Variants in LRP1B observed in about 807,000 individuals in gnomAD.
The protein encoded by LRP1B is low-density lipoprotein receptor-related protein 1B.
Under a neutral mutation model 556.6 loss-of-function variants are expected in LRP1B, and 217 were observed. That is an observed-to-expected ratio of 0.39 (90% CI 0.35 to 0.44). The LOEUF (loss-of-function observed/expected upper bound fraction) is 0.44, where lower values mean the gene tolerates loss of function less well. Ranked by LOEUF, LRP1B falls within the 20% of genes least tolerant of loss-of-function variation. The probability of loss-of-function intolerance (pLI) is 1.00; values close to 1 mark genes in which losing one functional copy is unlikely to be tolerated. For missense variants in LRP1B, 5,053 were observed against 5,620.8 expected, an observed-to-expected ratio of 0.90 and a Z score of 3.23; for synonymous variants, 2,047 against 1,865.8, an observed-to-expected ratio of 1.10 and a Z score of -2.50.
intron 3 of LRP1B, among the ~76,000 whole-genome samples, chr2:141,414,174 T>C (rs1690981293): frequency 6.8e-6 from 1 of 148,058 alleles, no homozygotes; most frequent in South Asian, 2.1e-4. Flanking sequence ...GAGGCGGAGC[T>C]TGCAGTGAGC....
At chr2:141,690,400 T>A (rs1110907) in intron 2 of LRP1B, among the ~76,000 whole-genome samples, 3,225 of 10,308 alleles carry the variant, frequency 0.31, 240 homozygotes, top group Middle Eastern at 0.5. Flanking sequence ...TCTATAAATA[T>A]ATATATATAT....
chr2:141,346,653 T>G (rs151216700), intron 3 of LRP1B, among the ~76,000 whole-genome samples: 2 of 152,266 alleles, frequency 1.3e-5, no homozygotes, highest in East Asian at 1.9e-4. Context: ...TTGGGGCAAC[T>G]GAGGAGCAAT....
chr2:140,691,413 G>C (rs964675729), intron 41 of LRP1B, among the ~76,000 whole-genome samples: 1 of 150,824 alleles, frequency 6.6e-6, no homozygotes, highest in Non-Finnish European at 1.5e-5. Context: ...GGAGGTTGTG[G>C]TTAGCCAAGC....
At chr2:141,214,230 C>A (rs191632984) in intron 6 of LRP1B, among the ~76,000 whole-genome samples, 23 of 152,194 alleles carry the variant, frequency 1.5e-4, no homozygotes, top group African/African-American at 5.1e-4. Context: ...TTCTTAAACT[C>A]TTTCTAACAG....
intron 52 of LRP1B, 39 bp downstream of exon 52, chr2:140,509,889 C>A: frequency 6.3e-7 from 1 of 1,589,720 alleles, no homozygotes; most frequent in Non-Finnish European, 8.6e-7. Flanking sequence ...GATGCTGCAA[C>A]AGTTTTCTTT....
At chr2:141,958,681 A>T (rs1365032870) in intron 1 of LRP1B, among the ~76,000 whole-genome samples, 1 of 151,378 alleles carries the variant, frequency 6.6e-6, no homozygotes, top group Non-Finnish European at 1.5e-5. Flanking sequence ...GAATAAAGTG[A>T]AAAGCTTTAA....
intron 6 of LRP1B, among the ~76,000 whole-genome samples, chr2:141,202,875 C>T (rs1682099358): frequency 6.6e-6 from 1 of 151,990 alleles, no homozygotes. Context: ...GTTATTGCTC[C>T]CCTAACCCCC....
intron 47 of LRP1B, among the ~76,000 whole-genome samples, chr2:140,527,703 A>G (rs1402156300): frequency 1.3e-5 from 2 of 151,880 alleles, no homozygotes; most frequent in Admixed American, 6.6e-5. Context: ...TTTTATGTCT[A>G]TAAGAGCAAA....
chr2:141,120,491 C>A (rs190755323), intron 7 of LRP1B, among the ~76,000 whole-genome samples: 1 of 151,920 alleles, frequency 6.6e-6, no homozygotes, highest in Admixed American at 6.6e-5. Context: ...AATTTCAATG[C>A]AAAAATTCTA....
chr2:140,913,554 T>C (rs955529526), intron 21 of LRP1B, among the ~76,000 whole-genome samples: 1 of 151,850 alleles, frequency 6.6e-6, no homozygotes, highest in Non-Finnish European at 1.5e-5. Context: ...ATATACCCCA[T>C]GTAAAATCAA....
Position 140,475,988 on chromosome 2 carries a change from A to G in LRP1B, c.9426-651T>C, listed in dbSNP as rs558093375. Reference sequence around the variant, plus strand: ...GTTCTACTGGACAGCAGTGATTTACATTATGTTATTAGAAGTTCTAGATAG... The same window carrying G: ...GTTCTACTGGACAGCAGTGATTTACGTTATGTTATTAGAAGTTCTAGATAG... On this transcript the variant is annotated intron_variant, in intron 59 of 90. Transcript: ENST00000389484. Among the ~76,000 whole-genome samples the G allele has an allele frequency of 3.7e-3, 562 of 152,090 alleles. 5 individuals are homozygous for G. Among genetic ancestry groups the G allele is most frequent in the African/African-American group, 0.013 (522 of 41,532 alleles).
chr2:140,559,081 T>A (rs1680838483), intron 43 of LRP1B, among the ~76,000 whole-genome samples: 1 of 152,052 alleles, frequency 6.6e-6, no homozygotes, highest in African/African-American at 2.4e-5. Flanking sequence ...CTTGCAAAAA[T>A]ATCTAATTGG....
intron 2 of LRP1B, among the ~76,000 whole-genome samples, chr2:141,505,630 A>G (rs1232173260): frequency 6.6e-6 from 1 of 152,044 alleles, no homozygotes; most frequent in Non-Finnish European, 1.5e-5. Context: ...ACTAACTAAA[A>G]TTTTAATTGT....
At chr2:141,448,431 T>A (rs1681280220) in intron 3 of LRP1B, among the ~76,000 whole-genome samples, 1 of 152,138 alleles carries the variant, frequency 6.6e-6, no homozygotes, top group Non-Finnish European at 1.5e-5. Flanking sequence ...AACGATTCTG[T>A]CTTGCTGGCA....
At chr2:141,089,122 C>T (rs1304233062) in intron 7 of LRP1B, among the ~76,000 whole-genome samples, 2 of 152,192 alleles carry the variant, frequency 1.3e-5, no homozygotes, top group Non-Finnish European at 2.9e-5. Flanking sequence ...TGTTACGCAG[C>T]CATGTGTAGC....
chr2:140,820,109 C>T (rs565059262), intron 31 of LRP1B, among the ~76,000 whole-genome samples: 1 of 152,232 alleles, frequency 6.6e-6, no homozygotes, highest in South Asian at 2.1e-4. Flanking sequence ...AAGAGATTCT[C>T]TTGCTTCAGC....
intron 52 of LRP1B, 50 bp downstream of exon 52, chr2:140,509,878 G>T (rs2104916247): frequency 6.3e-7 from 1 of 1,583,008 alleles, no homozygotes; most frequent in South Asian, 1.2e-5. Context: ...AAATAACCAA[G>T]GATGCTGCAA....
At chr2:141,536,273 T>A (rs867135132) in intron 2 of LRP1B, among the ~76,000 whole-genome samples, 1 of 152,154 alleles carries the variant, frequency 6.6e-6, no homozygotes, top group South Asian at 2.1e-4. Context: ...CATTTTTATC[T>A]AATGGTTAGA....
chr2:141,319,299 GTTTTTTTGTTGT>G (rs1302853579), intron 3 of LRP1B, among the ~76,000 whole-genome samples: 2 of 80,464 alleles, frequency 2.5e-5, no homozygotes, highest in Admixed American at 1.3e-4. Flanking sequence ...AAAAAGCAGT[GTTTTTTTGTTGT>G]TTTTTTTTTT....
Sources: allele counts gnomAD v4.1 joint callset (sites outside exome capture counted in the v4.1 genomes callset), GRCh38; gene constraint gnomAD v4.1.1; transcripts MANE v1.5; gene names NCBI Gene and HGNC (gene_info 2026-07-23, HGNC 2026-07-21).